The following WNK4 variants were observed in gnomAD, a reference collection of about 807,000 sequenced individuals.
The protein encoded by WNK4 is serine/threonine-protein kinase WNK4.
WNK4 carries 94 observed loss-of-function variants against 116.2 expected under a neutral mutation model. That is an observed-to-expected ratio of 0.81 (90% CI 0.68 to 0.96). The LOEUF (loss-of-function observed/expected upper bound fraction) is 0.96, where lower values mean the gene tolerates loss of function less well. Among genes scored for constraint, WNK4 ranks in the 40% least tolerant of loss-of-function variants. The pLI, the probability that WNK4 is intolerant of heterozygous loss-of-function variation, is 0.00. For missense variants in WNK4, 1,542 were observed against 1,650.6 expected (o/e 0.93, Z 1.14); for synonymous variants, 655 against 672.7 (o/e 0.97, Z 0.41).
chr17:42,783,690 C>T (rs932862406), intron 2 of WNK4: 2 of 579,892 alleles, frequency 3.4e-6, no homozygotes, highest in Non-Finnish European at 6.2e-6. Context: ...TTCCTGCGCT[C>T]CCACAGCACC....
Position 42,795,192 on chromosome 17 carries a change from T to A in WNK4, c.2771T>A (p.Leu924His), listed in dbSNP as rs913156614. ...SFPSTTAAPL[L>H]SLASAFSLAV... ...CCCTCCACCACAGCAGCCCCTCTCC[T>A]TTCTCTGGCTAGTGCCTTCTCACTG... The change falls in exon 14 of 19, where the codon CTT (leucine) becomes CAT (histidine). Residue 924 changes from leucine to histidine, a missense_variant. Transcript: ENST00000246914. 10 of 1,613,852 alleles carry A rather than the reference T, an allele frequency of 6.2e-6. No homozygotes were observed. The East Asian group carries it at 2.2e-4, about 36-fold the overall frequency.
chr17:42,796,183 C>T lies in WNK4; in HGVS notation c.3492C>T (p.Tyr1164=). 1.2e-6 allele frequency: 2 copies of T among 1,614,110 alleles called. No homozygotes were observed. The highest frequency in any genetic ancestry group is 1.7e-6 in the Non-Finnish European group (2 of 1,180,014). The change falls in exon 17 of 19, where the codon TAC becomes TAT. Residue 1164 remains tyrosine (Y), a synonymous_variant. Transcript: ENST00000246914. ...TLQKKEIEDL[Y]SRLGKQPPPG... ...AGAAAAAAGAAATTGAAGATTTGTA[C>T]AGCCGGCTGGGGAAGCAGCCCCCAC...
In WNK4 at chr17:42,796,992, C is replaced by G. The variant is rs1443117683; in HGVS notation, c.*304C>G. The G allele has an allele frequency of 1.9e-6, 1 of 538,920 alleles. No homozygotes were observed. Among genetic ancestry groups the G allele is most frequent in the Non-Finnish European group, 3.3e-6 (1 of 300,122 alleles). 33.4% of individuals were successfully genotyped at this position (538,920 alleles called of 1,614,324 possible). A position where few individuals can be genotyped will look rare whatever the true frequency, so the allele number is the denominator to read the frequency against. Reference sequence around the variant, plus strand: ...GCCTGGATGCTTCTAGAGGGGCCCACTCCCAGCTGGGAGAGTGTAGGGGAT... The same window carrying G: ...GCCTGGATGCTTCTAGAGGGGCCCAGTCCCAGCTGGGAGAGTGTAGGGGAT... On this transcript the variant is annotated 3_prime_UTR_variant, in exon 19 of 19. Coordinates refer to ENST00000246914, the MANE Select transcript of WNK4 (RefSeq NM_032387.5).
In WNK4 at chr17:42,784,608, C is replaced by T. The variant is rs2054522567; in HGVS notation, c.1170+29C>T. The T allele has an allele frequency of 1.9e-6, 3 of 1,613,564 alleles. No individual in the cohort carries two copies. Among genetic ancestry groups the T allele is most frequent in the Non-Finnish European group, 2.5e-6 (3 of 1,179,906 alleles). On this transcript the variant is annotated intron_variant, in intron 4 of 18. Coordinates refer to ENST00000246914, the MANE Select transcript of WNK4 (RefSeq NM_032387.5). The surrounding 1 kb of genome is among the most constrained non-coding windows in gnomAD (Gnocchi z 4.4). The stretch of plus-strand genomic sequence containing the variant: ...AGAGGGATGGGGCTGGCGGGAAAGG[C>T]AATTCCAGGGCCACTTCCCCTTTTC...
intron 12 of WNK4, chr17:42,794,372 T>A (rs2144077135): frequency 1.7e-6 from 1 of 572,494 alleles, no homozygotes; most frequent in African/African-American, 1.9e-5. Context: ...CATCATTGTC[T>A]CTTCCTCTCC....
rs1286959144 is a variant in WNK4, at chr17:42,781,016, C to T, written c.318C>T (p.Pro106=). The T allele has an allele frequency of 6.2e-7, 1 of 1,610,384 alleles. No homozygotes were observed. Residue 106 remains proline, a synonymous_variant, in exon 1 of 19, where the codon CCC becomes CCT. Coordinates refer to ENST00000246914, the MANE Select transcript of WNK4 (RefSeq NM_032387.5). ...CACCGCCTAGCTCCAAAGAACCCCC[C>T]GAGGGCACGTGGACCGAGGGAGCCC... ...RSPPPSSKEP[P]EGTWTEGAPV...
chr17:42,785,032 G>C (rs2054529390), intron 4 of WNK4, 65 bp from the exon 5 acceptor site: 8 of 1,517,706 alleles, frequency 5.3e-6, no homozygotes, highest in East Asian at 2.3e-5. Context: ...TAAGGGGTGG[G>C]GGGTGGTGTC....
Position 42,782,897 on chromosome 17 carries a change from T to G in WNK4, c.758T>G (p.Val253Gly). 1 of 1,614,178 alleles carries G rather than the reference T, an allele frequency of 6.2e-7. No homozygotes were observed. The highest frequency in any genetic ancestry group is 8.5e-7 in the Non-Finnish European group (1 of 1,180,032). Reference protein sequence around the residue: ...VLRGQVCIVLVTELMTSGTLK... With the variant: ...VLRGQVCIVLGTELMTSGTLK... ...AGGGGCCAGGTTTGCATCGTGCTGG[T>G]CACCGAACTCATGACCTCGGGCACG... Residue 253 changes from valine to glycine, a missense_variant, in exon 2 of 19, where the codon GTC becomes GGC. Physicochemically the swap from Val to Gly is moderately radical, Grantham distance 109 (BLOSUM62 -3). This residue lies in a region of WNK4 where 808 missense variants were observed against 873.6 expected (regional missense o/e 0.92). Coordinates refer to ENST00000246914, the MANE Select transcript of WNK4 (RefSeq NM_032387.5). This position sits in a 1 kb window ranked among gnomAD's most constrained non-coding sequence, Gnocchi z 4.2.
chr17:42,793,493 A>G, intron 11 of WNK4, 99 bp from the exon 12 acceptor site: 1 of 1,537,982 alleles, frequency 6.5e-7, no homozygotes, highest in Non-Finnish European at 8.9e-7. Flanking sequence ...TACAGGCGTG[A>G]GCCACCGCGC....
rs2054502638 is a variant in WNK4, at chr17:42,783,030, T to C, written c.791+100T>C. 12 of 1,477,560 alleles carry C rather than the reference T, an allele frequency of 8.1e-6. No individual in the cohort carries two copies. In the South Asian group the frequency reaches 1.5e-4, roughly 18 times the overall value. 91.5% of individuals were successfully genotyped at this position (1,477,560 alleles called of 1,614,324 possible). A position where few individuals can be genotyped will look rare whatever the true frequency, so the allele number is the denominator to read the frequency against. On this transcript the variant is annotated intron_variant, in intron 2 of 18. Transcript: ENST00000246914. ...CCTCAAACTCTCTAATATCCAGGTG[T>C]AAAACCAGGTTCACCATCTCCCTCT...
At chr17:42,792,223 G>A (rs985872217) in intron 11 of WNK4, among the ~76,000 whole-genome samples, 1 of 152,178 alleles carries the variant, frequency 6.6e-6, no homozygotes, top group African/African-American at 2.4e-5. Context: ...ACGACACAGT[G>A]TAATGTAGAA....
chr17:42,784,122 C>G lies in WNK4; in HGVS notation c.977C>G (p.Thr326Arg). 6.2e-7 allele frequency: 1 copy of G among 1,608,866 alleles called. No individual in the cohort carries two copies. The highest frequency in any genetic ancestry group is 8.5e-7 in the Non-Finnish European group (1 of 1,180,008). Residue 326 changes from threonine (T) to arginine (R), a missense_variant, in exon 3 of 19, where the codon ACG (threonine) becomes AGG (arginine). By Grantham distance (71) the Thr-to-Arg change is moderately conservative. Coordinates refer to ENST00000246914, the MANE Select transcript of WNK4 (RefSeq NM_032387.5). The surrounding 1 kb of genome is among the most constrained non-coding windows in gnomAD (Gnocchi z 4.4). ...AAAATCGGGGACCTGGGCCTGGCCA[C>G]GCTCAAGCGCGCCTCCTTTGCCAAG... ...SVKIGDLGLA[T>R]LKRASFAKSV...
intron 6 of WNK4, among the ~76,000 whole-genome samples, chr17:42,785,702 G>A (rs73983760): frequency 6.6e-6 from 1 of 152,284 alleles, no homozygotes; most frequent in African/African-American, 2.4e-5. Flanking sequence ...GTCCTCCAGC[G>A]TCCCTGCTTT....
In WNK4 at chr17:42,780,750, G is replaced by T; in HGVS notation, c.52G>T (p.Ala18Ser). Residue 18 changes from alanine to serine, a missense_variant, in exon 1 of 19, where the codon GCC (alanine) becomes TCC (serine). By Grantham distance (99) the Ala-to-Ser change is moderately conservative. This residue lies in a region of WNK4 where 243 missense variants were observed against 217.8 expected (regional missense o/e 1.12). Transcript: ENST00000246914. The part of the protein sequence containing the change: ...ETTVLMSQTE[A>S]DLALRPPPPL... ...CACCGTCCTCATGTCCCAGACTGAG[G>T]CCGACCTGGCCCTGCGGCCCCCGCC... 1 of 1,608,342 alleles carries T rather than the reference G, an allele frequency of 6.2e-7. No homozygotes were observed.
In WNK4 at chr17:42,796,541, G is replaced by A. The variant is rs1597905828; in HGVS notation, c.3692G>A (p.Ser1231Asn). The change falls in exon 18 of 19, where the codon AGC (serine) becomes AAC (asparagine). Residue 1231 changes from serine (S) to asparagine (N), a missense_variant. By Grantham distance (46) the Ser-to-Asn change is conservative. Coordinates refer to ENST00000246914, the MANE Select transcript of WNK4 (RefSeq NM_032387.5). ...ACCGGCTCCCAGGAGCAGCGGGCAAGCAAGGGGGTGACATTCGCCGGGGAT... is the reference window on the plus strand; with the variant it reads ...ACCGGCTCCCAGGAGCAGCGGGCAAACAAGGGGGTGACATTCGCCGGGGAT... Reference protein sequence around the residue: ...SSTGSQEQRASKGVTFAGDVG... With the variant: ...SSTGSQEQRANKGVTFAGDVG... The A allele has an allele frequency of 6.2e-7, 1 of 1,614,134 alleles. No individual in the cohort carries two copies. Among genetic ancestry groups the A allele is most frequent in the Non-Finnish European group, 8.5e-7 (1 of 1,179,932 alleles).
At chr17:42,786,059 A>G (rs2054546440) in intron 6 of WNK4, among the ~76,000 whole-genome samples, 1 of 152,242 alleles carries the variant, frequency 6.6e-6, no homozygotes, top group Admixed American at 6.5e-5. Context: ...CTACATCTGT[A>G]CATGGCTTAA....
chr17:42,796,252 C>T lies in WNK4; in HGVS notation c.3561C>T (p.Arg1187=). The T allele has an allele frequency of 6.2e-7, 1 of 1,612,154 alleles. No individual in the cohort carries two copies. The highest frequency in any genetic ancestry group is 8.5e-7 in the Non-Finnish European group (1 of 1,179,400). Residue 1187 remains arginine (R), a synonymous_variant, in exon 17 of 19, where the codon CGC becomes CGT. Coordinates refer to ENST00000246914, the MANE Select transcript of WNK4 (RefSeq NM_032387.5). The stretch of plus-strand genomic sequence containing the variant: ...CTGCTATGCTGTCCAGCCGCCAGCG[C>T]CGCCTCTCCAAGGGCAGCTTCCCCA... The part of the protein sequence containing the change: ...APAAMLSSRQ[R]RLSKGSFPTS...
chr17:42,788,919 C>T (rs2144044280), intron 11 of WNK4, 122 bp downstream of exon 11: 3 of 823,890 alleles, frequency 3.6e-6, no homozygotes, highest in South Asian at 1.4e-5. Flanking sequence ...CTGGTTGACA[C>T]TTAGCACAGT....
Position 42,785,170 on chromosome 17 carries a change from C to A in WNK4, c.1244C>A (p.Thr415Lys). ...GAGATCATTGAAGGCTGCATCCGCA[C>A]GGATAAGAACGAGAGGTGGGGGTGA... is the stretch of plus-strand genomic sequence containing the variant. ...VKEIIEGCIR[T>K]DKNERFTIQD... The change falls in exon 5 of 19, where the codon ACG (threonine) becomes AAG (lysine). Residue 415 changes from threonine (T) to lysine (K), a missense_variant. Physicochemically the swap from Thr to Lys is moderately conservative, Grantham distance 78. Transcript: ENST00000246914. The A allele has an allele frequency of 1.2e-6, 2 of 1,613,870 alleles. No individual in the cohort carries two copies. Among genetic ancestry groups the A allele is most frequent in the Non-Finnish European group, 1.7e-6 (2 of 1,179,940 alleles).
Sources: allele counts gnomAD v4.1 joint callset (sites outside exome capture counted in the v4.1 genomes callset), GRCh38; gene constraint gnomAD v4.1.1; regional missense constraint gnomAD v4.1.1; non-coding constraint Gnocchi (gnomAD v3.1); transcripts MANE v1.5; gene names NCBI Gene and HGNC (gene_info 2026-07-23, HGNC 2026-07-21).